PDE11A: variants seen among roughly 807,000 people sequenced by gnomAD.
PDE11A encodes dual 3',5'-cyclic-AMP and -GMP phosphodiesterase 11A.
Under a neutral mutation model 100.5 loss-of-function variants are expected in PDE11A, and 100 were observed. That is an observed-to-expected ratio of 1.00 (90% CI 0.85 to 1.18). The LOEUF (loss-of-function observed/expected upper bound fraction) is 1.18. PDE11A is among the 50% of genes most tolerant of loss of function. The pLI is 0.00. For missense variants in PDE11A, 1,141 were observed against 1,152.6 expected, an observed-to-expected ratio of 0.99 and a Z score of 0.15; for synonymous variants, 381 against 420.8, an observed-to-expected ratio of 0.91 and a Z score of 1.16.
Position 177,704,087 on chromosome 2 carries a change from G to A in PDE11A, c.2154-2876C>T, listed in dbSNP as rs76219264. ...ACCAGACTAATGCCATGAAAGTGTG[G>A]GGAGACTTTGTTATTCATTCATTCA... On this transcript the variant is annotated intron_variant, in intron 13 of 19. Transcript: ENST00000286063. Among the ~76,000 whole-genome samples, 541 of 152,236 alleles carry A rather than the reference G, an allele frequency of 3.6e-3. 3 individuals are homozygous for A. Among genetic ancestry groups the A allele is most frequent in the Non-Finnish European group, 5.6e-3 (378 of 68,024 alleles).
chr2:177,803,130 A>C, intron 9 of PDE11A, among the ~76,000 whole-genome samples: 1 of 151,918 alleles, frequency 6.6e-6, no homozygotes, highest in East Asian at 1.9e-4. Flanking sequence ...AACTAAGCAA[A>C]ATATAGTCCA....
chr2:177,715,124 G>A (rs1430628345), intron 12 of PDE11A, among the ~76,000 whole-genome samples: 4 of 152,188 alleles, frequency 2.6e-5, no homozygotes, highest in South Asian at 4.1e-4. Flanking sequence ...GGTTGTTTTC[G>A]AGGATTTGCA....
chr2:177,958,541 T>A (rs1464951847), intron 2 of PDE11A, among the ~76,000 whole-genome samples: 1 of 152,220 alleles, frequency 6.6e-6, no homozygotes, highest in Non-Finnish European at 1.5e-5. Context: ...GAGACAATCA[T>A]GGAATATCAT....
At chr2:177,669,468 C>T (rs369172614) in intron 18 of PDE11A, 25 bp downstream of exon 18, 30 of 917,316 alleles carry the variant, frequency 3.3e-5, no homozygotes, top group African/African-American at 4.9e-5. Flanking sequence ...AGGGTAAATA[C>T]GTTATAATTA....
intron 6 of PDE11A, among the ~76,000 whole-genome samples, chr2:177,822,446 T>C (rs2105590094): frequency 6.6e-6 from 1 of 152,176 alleles, no homozygotes; most frequent in East Asian, 1.9e-4. Flanking sequence ...ATTCCATTGA[T>C]CTAGGTATCT....
chr2:178,022,694 G>A (rs962581486), intron 1 of PDE11A, among the ~76,000 whole-genome samples: 3 of 152,034 alleles, frequency 2.0e-5, no homozygotes, highest in Admixed American at 1.3e-4. Context: ...AACTTGAATA[G>A]GAAACTAACA....
chr2:177,936,725 A>C (rs1473962004), intron 2 of PDE11A, among the ~76,000 whole-genome samples: 2 of 152,212 alleles, frequency 1.3e-5, no homozygotes, highest in Non-Finnish European at 2.9e-5. Flanking sequence ...GTTTAAGACT[A>C]GCCTGGCCAA....
chr2:177,667,363 A>G (rs1432030805), intron 18 of PDE11A, among the ~76,000 whole-genome samples: 1 of 152,166 alleles, frequency 6.6e-6, no homozygotes, highest in Non-Finnish European at 1.5e-5. Context: ...ATTTTCTTCT[A>G]AGAATTTTAT....
chr2:177,689,026 G>A (rs2081000585), intron 15 of PDE11A, among the ~76,000 whole-genome samples: 2 of 152,102 alleles, frequency 1.3e-5, no homozygotes. Flanking sequence ...ATAAACATTA[G>A]GAAGGTTTTA....
intron 6 of PDE11A, among the ~76,000 whole-genome samples, chr2:177,832,558 T>C (rs1187330429): frequency 3.3e-5 from 4 of 120,286 alleles, no homozygotes; most frequent in South Asian, 2.7e-4. Context: ...CACATCCATC[T>C]ATCTATCTAT....
intron 4 of PDE11A, among the ~76,000 whole-genome samples, chr2:177,889,722 T>C (rs2084499577): frequency 6.6e-6 from 1 of 152,046 alleles, no homozygotes; most frequent in African/African-American, 2.4e-5. Context: ...TTCTACTTTT[T>C]TTCAAGTTCT....
At chr2:177,647,649 G>T (rs1367451204) in intron 19 of PDE11A, among the ~76,000 whole-genome samples, 1 of 152,084 alleles carries the variant, frequency 6.6e-6, no homozygotes, top group Non-Finnish European at 1.5e-5. Flanking sequence ...AGACGGGGAG[G>T]AACCATCAAG....
chr2:177,997,506 T>C, intron 2 of PDE11A: 1 of 807,564 alleles, frequency 1.2e-6, no homozygotes, highest in South Asian at 1.4e-5. Context: ...ACATTGATAT[T>C]GTTTGTTGCT....
chr2:178,036,309 A>G (rs2086613181), intron 1 of PDE11A, among the ~76,000 whole-genome samples: 1 of 152,170 alleles, frequency 6.6e-6, no homozygotes, highest in South Asian at 2.1e-4. Context: ...TAGGAATACA[A>G]CTTAAAGGGA....
intron 5 of PDE11A, among the ~76,000 whole-genome samples, chr2:177,862,536 A>G (rs1038030288): frequency 2.0e-5 from 3 of 151,946 alleles, no homozygotes; most frequent in Admixed American, 2.0e-4. Context: ...TAGCATTTTT[A>G]TATACAAATA....
rs530201361 is a variant in PDE11A at position 177,979,024 on chromosome 2, A to G, written c.1071+35278T>C. ...GCGCACCAGCATGGCACATGTATAC[A>G]TATGTAACTAACCTGCACAATGTGC... On this transcript the variant is annotated intron_variant, in intron 2 of 19. Coordinates refer to ENST00000286063, the MANE Select transcript of PDE11A (RefSeq NM_016953.4). 4.8e-4 allele frequency among the ~76,000 whole-genome samples: 67 copies of G among 138,366 alleles called. No individual in the cohort carries two copies. The East Asian group carries it at 0.012, about 24-fold the overall frequency. 90.8% of individuals were successfully genotyped at this position (138,366 alleles called of 152,430 possible). A position where few individuals can be genotyped will look rare whatever the true frequency, so the allele number is the denominator to read the frequency against.
rs116712868 is a variant in PDE11A, at chr2:177,943,125, A to G, written c.1072-37938T>C. Among the ~76,000 whole-genome samples, 886 of 152,292 alleles carry G rather than the reference A, an allele frequency of 5.8e-3. 8 individuals carry two copies. The highest frequency in any genetic ancestry group is 0.02 in the African/African-American group (820 of 41,560). On this transcript the variant is annotated intron_variant, in intron 2 of 19. Coordinates refer to ENST00000286063, the MANE Select transcript of PDE11A (RefSeq NM_016953.4). ...ATATTGTTTTTCCATTTATCCACCA[A>G]TGGCCACTTAGATTGCTTCTACCTC...
chr2:177,649,596 A>G (rs893037242), intron 19 of PDE11A, among the ~76,000 whole-genome samples: 9 of 152,242 alleles, frequency 5.9e-5, no homozygotes, highest in African/African-American at 2.2e-4. Flanking sequence ...GTGTGAGCAT[A>G]GTATATATAG....
At chr2:178,048,647 T>G (rs779154308) in intron 1 of PDE11A, among the ~76,000 whole-genome samples, 4 of 152,152 alleles carry the variant, frequency 2.6e-5, no homozygotes, top group Non-Finnish European at 5.9e-5. Flanking sequence ...GATGCTGTAA[T>G]TTCCAAAGGG....
Sources: gnomAD v4.1 joint callset for allele counts (sites outside exome capture counted in the v4.1 genomes callset) on GRCh38, gnomAD v4.1.1 for gene constraint, MANE v1.5 for transcripts, NCBI Gene and HGNC (gene_info 2026-07-23, HGNC 2026-07-21) for gene names.